Variants in KIAA1217 observed in about 807,000 individuals in gnomAD.
The protein encoded by KIAA1217 is KIAA1217.
A neutral mutation model predicts 163.9 loss-of-function variants in KIAA1217; 88 were observed. That is an observed-to-expected ratio of 0.54 (90% CI 0.45 to 0.64). The LOEUF is 0.64. KIAA1217 is among the 30% of genes least tolerant of loss of function. KIAA1217 has a pLI of 0.00. For synonymous variants in KIAA1217, 903 were observed against 923.1 expected, an observed-to-expected ratio of 0.98 and a Z score of 0.39; for missense variants, 2,372 against 2,475.0, an observed-to-expected ratio of 0.96 and a Z score of 0.88.
chr10:23,720,757 A>C (rs1043447946), intron 1 of KIAA1217, among the ~76,000 whole-genome samples: 1 of 152,202 alleles, frequency 6.6e-6, no homozygotes, highest in African/African-American at 2.4e-5. Flanking sequence ...TACTGTAAGA[A>C]TAGTCTGTCC....
chr10:24,403,459 G>A (rs12252060), intron 3 of KIAA1217, among the ~76,000 whole-genome samples: 3,884 of 151,940 alleles, frequency 0.026, 192 homozygotes, highest in African/African-American at 0.09. Context: ...GGCTGTTCTC[G>A]AACTCCTGAC....
intron 2 of KIAA1217, among the ~76,000 whole-genome samples, chr10:24,202,589 C>T (rs779503463): frequency 6.6e-6 from 1 of 152,166 alleles, no homozygotes; most frequent in African/African-American, 2.4e-5. Flanking sequence ...TGGTTGCACC[C>T]TTGCTCCCAA....
At chr10:23,848,978 G>A (rs1037838974) in intron 1 of KIAA1217, among the ~76,000 whole-genome samples, 1 of 152,032 alleles carries the variant, frequency 6.6e-6, no homozygotes, top group African/African-American at 2.4e-5. Context: ...ATTAGCTCTA[G>A]TAGTGCAGAA....
At chr10:24,203,823 A>C (rs1433194095), upstream of KIAA1217, among the ~76,000 whole-genome samples, 3 of 152,178 alleles carry the variant, frequency 2.0e-5, no homozygotes, top group African/African-American at 7.2e-5. Flanking sequence ...AGGGGTGAGC[A>C]GATACATGTT....
At position 24,270,410 on chromosome 10, in the gene KIAA1217, A is replaced by G. The variant is rs150079059; in HGVS notation, c.354+50501A>G. Among the ~76,000 whole-genome samples the G allele has an allele frequency of 3.7e-3, 567 of 152,284 alleles. 4 individuals are homozygous for G. The highest frequency in any genetic ancestry group is 0.013 in the African/African-American group (543 of 41,562). On this transcript the variant is annotated intron_variant, in intron 2 of 20. Coordinates refer to ENST00000376454, the MANE Select transcript of KIAA1217 (RefSeq NM_019590.5). The stretch of plus-strand genomic sequence containing the variant: ...ACAACCCATCCCTCCATCATCATCA[A>G]AGCAATTTATTTGCACAAACTCCAC...
chr10:24,290,027 C>T (rs1017145361), intron 2 of KIAA1217, among the ~76,000 whole-genome samples: 2 of 152,070 alleles, frequency 1.3e-5, no homozygotes, highest in African/African-American at 4.8e-5. Context: ...GCAACAGTTC[C>T]GAGTGATACT....
At chr10:24,048,814 C>T (rs1014544688) in intron 2 of KIAA1217, among the ~76,000 whole-genome samples, 2 of 151,624 alleles carry the variant, frequency 1.3e-5, no homozygotes, top group Non-Finnish European at 2.9e-5. Flanking sequence ...GGGTGGATCA[C>T]GAGGTCAGGG....
Position 23,815,702 on chromosome 10 carries a change from ATTAT to A in KIAA1217, c.-321+120473_-321+120476del, listed in dbSNP as rs1388269354. ...ATTTAAAATATTCTTAGATGACTACATTATTTATCCCCACAATGCAAAGAAAATA... is the reference window on the plus strand; with the variant it reads ...ATTTAAAATATTCTTAGATGACTACATTATCCCCACAATGCAAAGAAAATA... On this transcript the variant is annotated intron_variant, in intron 1 of 18. Coordinates refer to the KIAA1217 transcript ENST00000376462. Among the ~76,000 whole-genome samples the A allele has an allele frequency of 2.8e-4, 43 of 152,186 alleles. 1 individual carries two copies. Among genetic ancestry groups the A allele is most frequent in the African/African-American group, 1.0e-3 (43 of 41,460 alleles).
rs2130814216 is a variant in KIAA1217, at chr10:24,391,163, A to G, written c.553+10096A>G. Among the ~76,000 whole-genome samples the G allele has an allele frequency of 2.0e-5, 3 of 152,232 alleles. No homozygotes were observed. The Middle Eastern group carries it at 0.01, about 518-fold the overall frequency. ...CTTTGCAGATGGGACATAGGTAAAAAAGCATGGCCTGAAGTGAGGAGAAGA... is the reference window on the plus strand; with the variant it reads ...CTTTGCAGATGGGACATAGGTAAAAGAGCATGGCCTGAAGTGAGGAGAAGA... On this transcript the variant is annotated intron_variant, in intron 3 of 20. Coordinates refer to ENST00000376454, the MANE Select transcript of KIAA1217 (RefSeq NM_019590.5).
At chr10:24,297,132 C>T (rs905212485) in intron 2 of KIAA1217, among the ~76,000 whole-genome samples, 31 of 152,206 alleles carry the variant, frequency 2.0e-4, no homozygotes, top group African/African-American at 7.5e-4. Flanking sequence ...TATCTCTCTA[C>T]AGCTAAAACC....
At chr10:24,453,288 C>T (rs2061523200) in intron 5 of KIAA1217, among the ~76,000 whole-genome samples, 1 of 152,184 alleles carries the variant, frequency 6.6e-6, no homozygotes, top group Non-Finnish European at 1.5e-5. Context: ...CTTCTCTTAG[C>T]CATCTTTTGT....
intron 6 of KIAA1217, among the ~76,000 whole-genome samples, chr10:24,475,852 G>A (rs920162657): frequency 6.6e-6 from 1 of 152,180 alleles, no homozygotes; most frequent in Non-Finnish European, 1.5e-5. Context: ...TAACACACCT[G>A]TCCCCTTTGG....
intron 2 of KIAA1217, among the ~76,000 whole-genome samples, chr10:24,290,506 T>TA (rs796361122): frequency 3.5e-4 from 51 of 144,086 alleles, no homozygotes; most frequent in East Asian, 3.2e-3. Context: ...TGTATGAGTG[T>TA]AAAAAAAAAA....
intron 2 of KIAA1217, among the ~76,000 whole-genome samples, chr10:24,061,424 C>T (rs2060717356): frequency 6.6e-6 from 1 of 152,048 alleles, no homozygotes; most frequent in Admixed American, 6.6e-5. Context: ...ATGATTTAAC[C>T]ACTAATGTTA....
intron 1 of KIAA1217, among the ~76,000 whole-genome samples, chr10:23,806,565 T>G (rs1346774098): frequency 1.3e-5 from 2 of 152,144 alleles, no homozygotes; most frequent in Non-Finnish European, 2.9e-5. Context: ...TGAAAAAAAA[T>G]TCTCAAACAT....
chr10:24,105,895 G>A (rs2062608912), intron 2 of KIAA1217, among the ~76,000 whole-genome samples: 1 of 152,212 alleles, frequency 6.6e-6, no homozygotes, highest in Non-Finnish European at 1.5e-5. Context: ...AAGTACTTGG[G>A]CTGTGCATTG....
chr10:24,215,840 G>A (rs2130776867), intron 1 of KIAA1217, among the ~76,000 whole-genome samples: 1 of 152,296 alleles, frequency 6.6e-6, no homozygotes, highest in African/African-American at 2.4e-5. Flanking sequence ...AGGAGGGGAG[G>A]CAGACAGGAT....
chr10:24,132,718 T>G (rs2063698665), intron 2 of KIAA1217, among the ~76,000 whole-genome samples: 1 of 152,116 alleles, frequency 6.6e-6, no homozygotes. Context: ...TTTGTCAGCA[T>G]AAAGAGGATA....
chr10:24,543,868 CAGG>C lies in KIAA1217; in HGVS notation c.4603_4605del (p.Gly1535del). 6.2e-7 allele frequency: 1 copy of C among 1,614,032 alleles called. No individual in the cohort carries two copies. Among genetic ancestry groups the C allele is most frequent in the Non-Finnish European group, 8.5e-7 (1 of 1,180,026 alleles). On this transcript the variant is annotated inframe_deletion, in exon 19 of 21. Coordinates refer to ENST00000376454, the MANE Select transcript of KIAA1217 (RefSeq NM_019590.5). ...TCCCTGGCCACAGAGACCAGAAACC[CAGG>C]AGGACAGGAAATGAACAGAACGGAG... is the stretch of plus-strand genomic sequence containing the variant.
Sources: gnomAD v4.1 joint callset for allele counts (sites outside exome capture counted in the v4.1 genomes callset) on GRCh38, gnomAD v4.1.1 for gene constraint, MANE v1.5 for transcripts, NCBI Gene and HGNC (gene_info 2026-07-23, HGNC 2026-07-21) for gene names.